Variants in PTPN3 observed in about 807,000 individuals in gnomAD.
The protein encoded by PTPN3 is tyrosine-protein phosphatase non-receptor type 3.
A neutral mutation model predicts 132.7 loss-of-function variants in PTPN3; 96 were observed. The observed-to-expected ratio is 0.72, with a 90% CI of 0.61 to 0.86. The LOEUF (loss-of-function observed/expected upper bound fraction) is 0.86. Among genes scored for constraint, PTPN3 ranks in the 40% least tolerant of loss-of-function variants. The probability of loss-of-function intolerance (pLI) is 0.00; values close to 1 mark genes in which losing one functional copy is unlikely to be tolerated. For synonymous variants in PTPN3, 398 were observed against 429.0 expected (o/e 0.93, Z 0.89); for missense variants, 1,125 against 1,159.6 (o/e 0.97, Z 0.43).
chr9:109,477,629 C>T (rs1013534688), intron 1 of PTPN3, among the ~76,000 whole-genome samples: 2 of 152,218 alleles, frequency 1.3e-5, no homozygotes, highest in African/African-American at 4.8e-5. Context: ...GCCCTTCCAG[C>T]CTCACAGGCA....
intron 2 of PTPN3, among the ~76,000 whole-genome samples, chr9:109,462,854 A>G (rs1845914047): frequency 1.3e-5 from 2 of 151,892 alleles, no homozygotes; most frequent in South Asian, 2.1e-4. Flanking sequence ...CACCCTTTCT[A>G]TTCTTTCCTG....
At chr9:109,499,008 T>C (rs1847806831), upstream of PTPN3, among the ~76,000 whole-genome samples, 1 of 152,124 alleles carries the variant, frequency 6.6e-6, no homozygotes, top group African/African-American at 2.4e-5. Flanking sequence ...CCGTGTACTC[T>C]GTTTTCTTCA....
At chr9:109,451,559 T>C (rs1336002783) in intron 5 of PTPN3, among the ~76,000 whole-genome samples, 1 of 152,230 alleles carries the variant, frequency 6.6e-6, no homozygotes, top group Admixed American at 6.5e-5. Flanking sequence ...ATGACTACTC[T>C]TCGGACACCT....
intron 6 of PTPN3, 57 bp downstream of exon 6, chr9:109,448,754 T>A (rs1387010798): frequency 6.7e-7 from 1 of 1,495,416 alleles, no homozygotes; most frequent in Admixed American, 2.0e-5. Flanking sequence ...CTCATTAGAT[T>A]AAAACCAGGA....
intron 12 of PTPN3, among the ~76,000 whole-genome samples, chr9:109,425,786 G>A (rs1307338955): frequency 6.6e-6 from 1 of 152,090 alleles, no homozygotes. Flanking sequence ...GCCAAGGTGG[G>A]TGGATCACCT....
At chr9:109,535,844 T>C in the PTPN3 span, among the ~76,000 whole-genome samples, 1 of 152,150 alleles carries the variant, frequency 6.6e-6, no homozygotes, top group African/African-American at 2.4e-5. Flanking sequence ...CCTCTTTTTC[T>C]TTCTTTCTCT....
At chr9:109,504,685 A>G in the PTPN3 span, among the ~76,000 whole-genome samples, 1 of 152,216 alleles carries the variant, frequency 6.6e-6, no homozygotes, top group Non-Finnish European at 1.5e-5. Flanking sequence ...ACAGAGGACC[A>G]TACTGTAATG....
the PTPN3 span, among the ~76,000 whole-genome samples, chr9:109,516,135 A>T: frequency 6.6e-6 from 1 of 152,192 alleles, no homozygotes; most frequent in Non-Finnish European, 1.5e-5. Flanking sequence ...CTCTTGGAAG[A>T]TCCCTTTCCA....
At chr9:109,409,890 C>A in intron 16 of PTPN3, 109 bp downstream of exon 16, 1 of 1,452,080 alleles carries the variant, frequency 6.9e-7, no homozygotes, top group South Asian at 1.5e-5. Flanking sequence ...GAGGGTTGAA[C>A]CAACTTCCTT....
At chr9:109,484,788 G>A (rs1319434307) in intron 1 of PTPN3, among the ~76,000 whole-genome samples, 1 of 152,258 alleles carries the variant, frequency 6.6e-6, no homozygotes. Flanking sequence ...ATTGTCCCAG[G>A]TGCACATGGC....
Position 109,379,625 on chromosome 9 carries a change from G to A in PTPN3, c.2673C>T (p.Tyr891=). 2 of 1,613,980 alleles carry A rather than the reference G, an allele frequency of 1.2e-6. No individual in the cohort carries two copies. Among genetic ancestry groups the A allele is most frequent in the South Asian group, 2.2e-5 (2 of 91,072 alleles). Residue 891 remains tyrosine (Y), a synonymous_variant, in exon 26 of 26, where the codon TAC becomes TAT. Coordinates refer to ENST00000374541, the MANE Select transcript of PTPN3 (RefSeq NM_002829.4). ...RAMMVQTSSQ[Y]KFVCEAILRV... is the part of the protein sequence containing the mutation. Reference sequence around the variant, plus strand: ...GAAGAATCGCTTCACACACAAACTTGTACTGGCTCTGGAAAAGAAAAAAAT... The same window carrying A: ...GAAGAATCGCTTCACACACAAACTTATACTGGCTCTGGAAAAGAAAAAAAT...
chr9:109,414,994 G>A (rs1203332607), intron 14 of PTPN3, among the ~76,000 whole-genome samples: 8 of 151,586 alleles, frequency 5.3e-5, no homozygotes. Flanking sequence ...TTTGTATCTC[G>A]GGGCCCCATC....
At chr9:109,416,706 C>T (rs1588378673) in intron 14 of PTPN3, among the ~76,000 whole-genome samples, 1 of 152,028 alleles carries the variant, frequency 6.6e-6, no homozygotes, top group Admixed American at 6.6e-5. Context: ...CATGGCCTCC[C>T]AAAGTACTGG....
the PTPN3 span, among the ~76,000 whole-genome samples, chr9:109,512,281 C>G: frequency 6.6e-6 from 1 of 152,186 alleles, no homozygotes; most frequent in Non-Finnish European, 1.5e-5. Flanking sequence ...GAGACTCACA[C>G]TCTACATTAT....
At chr9:109,476,114 C>G (rs1315000257) in intron 1 of PTPN3, among the ~76,000 whole-genome samples, 2 of 152,164 alleles carry the variant, frequency 1.3e-5, no homozygotes, top group Non-Finnish European at 2.9e-5. Context: ...AGGTTTTAAT[C>G]CAGGGGGCCA....
At chr9:109,398,758 A>G (rs1840803822) in intron 19 of PTPN3, among the ~76,000 whole-genome samples, 1 of 152,244 alleles carries the variant, frequency 6.6e-6, no homozygotes, top group Non-Finnish European at 1.5e-5. Context: ...CTGGTTCTCA[A>G]ATAAAGGACA....
chr9:109,415,489 G>A (rs1477174874), intron 14 of PTPN3, among the ~76,000 whole-genome samples: 1 of 152,196 alleles, frequency 6.6e-6, no homozygotes, highest in African/African-American at 2.4e-5. Flanking sequence ...TGAAAAAGCA[G>A]AGAAAAGGTA....
rs777565379 is a variant in PTPN3 at position 109,463,470 on chromosome 9, C to T, written c.-17-19G>A. The T allele has an allele frequency of 6.3e-7, 1 of 1,589,806 alleles. No individual in the cohort carries two copies. Among genetic ancestry groups the T allele is most frequent in the Non-Finnish European group, 8.6e-7 (1 of 1,169,202 alleles). On this transcript the variant is annotated intron_variant, in intron 1 of 25. Coordinates refer to ENST00000374541, the MANE Select transcript of PTPN3 (RefSeq NM_002829.4). ...GAATAACCTGTAACATAAAATATACCTGTTAGTGCTTTAATATGCGAATTG... is the reference window on the plus strand; with the variant it reads ...GAATAACCTGTAACATAAAATATACTTGTTAGTGCTTTAATATGCGAATTG...
At chr9:109,381,503 T>C in intron 25 of PTPN3, 149 bp downstream of exon 25, 1 of 1,161,734 alleles carries the variant, frequency 8.6e-7, no homozygotes, top group Non-Finnish European at 1.2e-6. Flanking sequence ...GGGTGTGGGC[T>C]GTAGCCACTG....
Sources: gnomAD v4.1 joint callset for allele counts (sites outside exome capture counted in the v4.1 genomes callset) on GRCh38, gnomAD v4.1.1 for gene constraint, MANE v1.5 for transcripts, NCBI Gene and HGNC (gene_info 2026-07-23, HGNC 2026-07-21) for gene names.